The following EPB41L3 variants were observed in gnomAD, a reference collection of about 807,000 sequenced individuals.
EPB41L3 encodes band 4.1-like protein 3.
A neutral mutation model predicts 127.1 loss-of-function variants in EPB41L3; 57 were observed. The observed-to-expected ratio is 0.45, with a 90% CI of 0.36 to 0.56. The LOEUF (loss-of-function observed/expected upper bound fraction) is 0.56. Ranked by LOEUF, EPB41L3 falls within the 20% of genes least tolerant of loss-of-function variation. EPB41L3 has a pLI of 0.00. For missense variants in EPB41L3, 1,273 were observed against 1,372.2 expected, an observed-to-expected ratio of 0.93 and a Z score of 1.14; for synonymous variants, 572 against 549.5, an observed-to-expected ratio of 1.04 and a Z score of -0.57.
intron 3 of EPB41L3, among the ~76,000 whole-genome samples, chr18:5,608,832 T>C (rs1454356937): frequency 6.6e-6 from 1 of 152,160 alleles, no homozygotes; most frequent in Non-Finnish European, 1.5e-5. Context: ...AATCATAACA[T>C]AACTCAATAA....
chr18:5,561,092 C>G (rs1383180678), intron 3 of EPB41L3, among the ~76,000 whole-genome samples: 4 of 148,636 alleles, frequency 2.7e-5, no homozygotes, highest in Admixed American at 2.7e-4. Flanking sequence ...ATTCTCCTGC[C>G]TCAGCCTCCC....
chr18:5,414,792 T>C (rs2076596206), intron 13 of EPB41L3, among the ~76,000 whole-genome samples: 1 of 152,132 alleles, frequency 6.6e-6, no homozygotes, highest in Non-Finnish European at 1.5e-5. Flanking sequence ...TGCTGGGCTG[T>C]TCACTGGGCT....
chr18:5,445,240 C>A lies in EPB41L3; in HGVS notation c.386G>T (p.Arg129Leu), dbSNP rs752408777. 6.2e-6 allele frequency: 10 copies of A among 1,612,636 alleles called. No individual in the cohort carries two copies. The South Asian group carries it at 1.1e-4, about 18-fold the overall frequency. Residue 129 changes from arginine (R) to leucine (L), a missense_variant, in exon 4 of 23, where the codon CGC becomes CTC. This residue lies in a region of EPB41L3 where 326 missense variants were observed against 440.2 expected (regional missense o/e 0.74). Coordinates refer to ENST00000341928, the MANE Select transcript of EPB41L3 (RefSeq NM_012307.5). ...ATCAAACAGCACTTGTCCTCTGGAG[C>A]GTTTCTACAGAAAACAGAATAGCAA... ...GSEYTCDVEKRSRGQVLFDKV... is the reference protein window; with the variant it reads ...GSEYTCDVEKLSRGQVLFDKV...
chr18:5,394,853 G>A (rs2073082738), intron 21 of EPB41L3, 60 bp from the exon 22 acceptor site: 3 of 1,492,930 alleles, frequency 2.0e-6, no homozygotes, highest in Non-Finnish European at 2.8e-6. Context: ...TGCATGATCA[G>A]TGGTGAGGTG....
chr18:5,411,452 T>C (rs2076183218), intron 13 of EPB41L3, among the ~76,000 whole-genome samples: 2 of 152,154 alleles, frequency 1.3e-5, no homozygotes, highest in South Asian at 4.1e-4. Context: ...GCACAGCATT[T>C]GACAGAGCCT....
intron 3 of EPB41L3, among the ~76,000 whole-genome samples, chr18:5,565,002 A>G (rs2094179701): frequency 6.6e-6 from 1 of 152,230 alleles, no homozygotes. Flanking sequence ...CAAAATATTT[A>G]TTATTTACAA....
chr18:5,436,409 T>TC (rs2079814871), intron 6 of EPB41L3, among the ~76,000 whole-genome samples: 2 of 129,426 alleles, frequency 1.5e-5, no homozygotes, highest in East Asian at 2.1e-4. Flanking sequence ...CTTTCTTTTT[T>TC]TTTTTTTTTT....
intron 20 of EPB41L3, 68 bp downstream of exon 20, chr18:5,395,541 G>T: frequency 6.8e-7 from 1 of 1,464,070 alleles, no homozygotes; most frequent in Non-Finnish European, 9.5e-7. Flanking sequence ...CCTGTGAGGA[G>T]TTCTGAACAA....
chr18:5,617,565 G>A (rs917296815), intron 1 of EPB41L3, among the ~76,000 whole-genome samples: 7 of 152,100 alleles, frequency 4.6e-5, no homozygotes, highest in African/African-American at 1.2e-4. Context: ...CGATCCGCCC[G>A]CCTCGGCCTC....
At chr18:5,435,137 T>C (rs1226908339) in intron 6 of EPB41L3, among the ~76,000 whole-genome samples, 1 of 152,190 alleles carries the variant, frequency 6.6e-6, no homozygotes, top group Non-Finnish European at 1.5e-5. Context: ...GAAAATATTT[T>C]TGTGCAGCTG....
rs533113927 is a variant in EPB41L3 at position 5,559,317 on chromosome 18, C to T, written c.-306+53023G>A. Among the ~76,000 whole-genome samples, 6 of 152,236 alleles carry T rather than the reference C, an allele frequency of 3.9e-5. No homozygotes were observed. In the South Asian group the frequency reaches 1.2e-3, roughly 32 times the overall value. On this transcript the variant is annotated intron_variant, in intron 3 of 21. Coordinates refer to the EPB41L3 transcript ENST00000545076. Reference sequence around the variant, plus strand: ...ATTTCTCAGATTTCTTAACTTGGAACACAGACTTTTTGCAAAGGCAAAAAG... The same window carrying T: ...ATTTCTCAGATTTCTTAACTTGGAATACAGACTTTTTGCAAAGGCAAAAAG...
rs1400765944 is a variant in EPB41L3, at chr18:5,397,238, T to C, written c.2661A>G (p.Thr887=). The C allele has an allele frequency of 6.2e-7, 1 of 1,614,054 alleles. No individual in the cohort carries two copies. Among genetic ancestry groups the C allele is most frequent in the African/African-American group, 1.3e-5 (1 of 74,942 alleles). The part of the protein sequence containing the change: ...SGDAAAQPAF[T]GIKGKEGSAL... ...CAGAGCCCTCTTTCCCTTTAATGCC[T>C]GTGAATGCGGGCTGTGCTGCAGCAT... is the stretch of plus-strand genomic sequence containing the variant. The change falls in exon 18 of 23, where the codon ACA becomes ACG. Residue 887 remains threonine, a synonymous_variant. Transcript: ENST00000341928. This position sits in a 1 kb window ranked among gnomAD's most constrained non-coding sequence, Gnocchi z 4.1.
At chr18:5,500,635 G>A (rs1182749614) in intron 1 of EPB41L3, among the ~76,000 whole-genome samples, 1 of 152,186 alleles carries the variant, frequency 6.6e-6, no homozygotes, top group Non-Finnish European at 1.5e-5. Context: ...GAAGGACAGA[G>A]AGAACAACAA....
At chr18:5,600,153 C>T (rs1208568844) in intron 3 of EPB41L3, among the ~76,000 whole-genome samples, 1 of 152,002 alleles carries the variant, frequency 6.6e-6, no homozygotes, top group African/African-American at 2.4e-5. Context: ...ATTTAAGCAC[C>T]TGTTTACAAA....
intron 2 of EPB41L3, 99 bp downstream of exon 2, chr18:5,488,902 C>G: frequency 7.7e-7 from 1 of 1,296,300 alleles, no homozygotes; most frequent in East Asian, 2.7e-5. Context: ...CAGCAGATGA[C>G]CCCTCATAGC....
chr18:5,478,744 G>C (rs2087760055), intron 2 of EPB41L3, among the ~76,000 whole-genome samples: 1 of 152,084 alleles, frequency 6.6e-6, no homozygotes, highest in African/African-American at 2.4e-5. Flanking sequence ...TTTTTAAAAA[G>C]GATTGGATAG....
chr18:5,562,324 T>C (rs1312876948), intron 3 of EPB41L3, among the ~76,000 whole-genome samples: 6 of 152,170 alleles, frequency 3.9e-5, no homozygotes, highest in African/African-American at 1.4e-4. Context: ...AAAAAAAGAT[T>C]AAAAAATATA....
At chr18:5,466,129 CAAT>C (rs1456003821) in intron 3 of EPB41L3, among the ~76,000 whole-genome samples, 1 of 152,118 alleles carries the variant, frequency 6.6e-6, no homozygotes, top group East Asian at 1.9e-4. Context: ...TGAAATACAA[CAAT>C]GCCAGATTTT....
chr18:5,398,786 G>A (rs773189238), intron 16 of EPB41L3: 1 of 399,376 alleles, frequency 2.5e-6, no homozygotes, highest in Admixed American at 4.4e-5. Flanking sequence ...CCTCACTCTC[G>A]GGCACTTGCT....
Sources: allele counts gnomAD v4.1 joint callset (sites outside exome capture counted in the v4.1 genomes callset), GRCh38; gene constraint gnomAD v4.1.1; regional missense constraint gnomAD v4.1.1; non-coding constraint Gnocchi (gnomAD v3.1); transcripts MANE v1.5; gene names NCBI Gene and HGNC (gene_info 2026-07-23, HGNC 2026-07-21).